Variants in OSBPL3 observed in about 807,000 individuals in gnomAD.
The protein encoded by OSBPL3 is oxysterol binding protein like 3, also known as oxysterol-binding protein-related protein 3.
In OSBPL3, 65 loss-of-function variants were observed where a neutral mutation model predicts 120.1. The observed-to-expected ratio is 0.54, with a 90% CI of 0.44 to 0.67. The LOEUF is 0.67. Among genes scored for constraint, OSBPL3 ranks in the 30% least tolerant of loss-of-function variants. The pLI, the probability that OSBPL3 is intolerant of heterozygous loss-of-function variation, is 0.00. For missense variants in OSBPL3, 1,004 were observed against 1,082.1 expected, an observed-to-expected ratio of 0.93 and a Z score of 1.01; for synonymous variants, 416 against 402.6, an observed-to-expected ratio of 1.03 and a Z score of -0.40.
At position 24,799,397 on chromosome 7, in the gene OSBPL3, A is replaced by T. The variant is rs2128084949; in HGVS notation, c.*786T>A. 6.6e-6 allele frequency: 1 copy of T among 152,274 alleles called. No individual in the cohort carries two copies. Among genetic ancestry groups the T allele is most frequent in the Non-Finnish European group, 1.5e-5 (1 of 68,022 alleles). 9.4% of individuals were successfully genotyped at this position (152,274 alleles called of 1,614,324 possible). A position where few individuals can be genotyped will look rare whatever the true frequency, so the allele number is the denominator to read the frequency against. On this transcript the variant is annotated 3_prime_UTR_variant, in exon 23 of 23. Coordinates refer to ENST00000313367, the MANE Select transcript of OSBPL3 (RefSeq NM_015550.4). The surrounding 1 kb of genome is among the most constrained non-coding windows in gnomAD (Gnocchi z 5.3). ...GAAACAGTCTCTTAACTTCTCAAGG[A>T]CTCAGCTCTCACTAAGGAGAAATTT...
chr7:24,845,275 C>A (rs764387654), intron 12 of OSBPL3, among the ~76,000 whole-genome samples: 19 of 144,884 alleles, frequency 1.3e-4, no homozygotes, highest in African/African-American at 3.8e-4. Context: ...TTTTAAAAAA[C>A]AAGCTTGTAG....
intron 5 of OSBPL3, among the ~76,000 whole-genome samples, chr7:24,866,812 A>G (rs1257832059): frequency 6.6e-6 from 1 of 152,132 alleles, no homozygotes; most frequent in East Asian, 1.9e-4. Flanking sequence ...ACTGTTATTT[A>G]TTTATTTGAG....
At chr7:24,905,260 A>C (rs1272296045) in intron 1 of OSBPL3, among the ~76,000 whole-genome samples, 1 of 152,094 alleles carries the variant, frequency 6.6e-6, no homozygotes, top group East Asian at 1.9e-4. Flanking sequence ...GAAAGAATAA[A>C]ATAACCACAG....
chr7:24,823,133 C>G (rs1239267670), intron 16 of OSBPL3, among the ~76,000 whole-genome samples: 1 of 152,120 alleles, frequency 6.6e-6, no homozygotes, highest in Non-Finnish European at 1.5e-5. Context: ...TGGACCTGGG[C>G]CCTGACTGCA....
At chr7:24,924,747 A>G (rs1377609225) in intron 1 of OSBPL3, among the ~76,000 whole-genome samples, 1 of 152,180 alleles carries the variant, frequency 6.6e-6, no homozygotes, top group Non-Finnish European at 1.5e-5. Flanking sequence ...GGCCTGTATG[A>G]GCAGCTCACT....
rs185212748 is a variant in OSBPL3, at chr7:24,839,780, G to A, written c.1495+910C>T. On this transcript the variant is annotated intron_variant, in intron 14 of 22. Transcript: ENST00000313367. Reference sequence around the variant, plus strand: ...GAGGCAGGTAGATCACTTGACGTCAGGAGTTCAAGACCAGCCTGGGTAATA... The same window carrying A: ...GAGGCAGGTAGATCACTTGACGTCAAGAGTTCAAGACCAGCCTGGGTAATA... Among the ~76,000 whole-genome samples, 379 of 152,084 alleles carry A rather than the reference G, an allele frequency of 2.5e-3. 2 individuals carry two copies. Among genetic ancestry groups the A allele is most frequent in the African/African-American group, 8.7e-3 (359 of 41,486 alleles).
Position 24,831,971 on chromosome 7 carries a change from G to A in OSBPL3, c.1747-1066C>T, listed in dbSNP as rs1228518851. Among the ~76,000 whole-genome samples the A allele has an allele frequency of 6.6e-6, 1 of 152,096 alleles. No individual in the cohort carries two copies. The highest frequency in any genetic ancestry group is 1.5e-5 in the Non-Finnish European group (1 of 68,020). On this transcript the variant is annotated intron_variant, in intron 15 of 22. Transcript: ENST00000313367. This position sits in a 1 kb window ranked among gnomAD's most constrained non-coding sequence, Gnocchi z 4.0. ...AATCCCAGCACTTTGGGAGACCGAG[G>A]CAGGTGGATCTGCTTGAGCCCAAGA...
intron 1 of OSBPL3, among the ~76,000 whole-genome samples, chr7:24,969,111 T>G (rs533838296): frequency 6.6e-6 from 1 of 152,376 alleles, no homozygotes; most frequent in South Asian, 2.1e-4. Context: ...TACATTTCCA[T>G]CCACGATGTA....
chr7:24,831,954 C>T lies in OSBPL3; in HGVS notation c.1747-1049G>A, dbSNP rs1796418972. On this transcript the variant is annotated intron_variant, in intron 15 of 22. Coordinates refer to ENST00000313367, the MANE Select transcript of OSBPL3 (RefSeq NM_015550.4). The surrounding 1 kb of genome is among the most constrained non-coding windows in gnomAD (Gnocchi z 4.0). ...CAGTGGCTCACGCCTGTAATCCCAG[C>T]ACTTTGGGAGACCGAGGCAGGTGGA... Among the ~76,000 whole-genome samples the T allele has an allele frequency of 6.6e-6, 1 of 152,162 alleles. No homozygotes were observed. The highest frequency in any genetic ancestry group is 6.5e-5 in the Admixed American group (1 of 15,278).
At position 24,947,346 on chromosome 7, in the gene OSBPL3, G is replaced by A. The variant is rs1429167438; in HGVS notation, c.-150+32540C>T. Reference sequence around the variant, plus strand: ...ACAGCTAGGAAATTCTCTGAATAAAGCTCTTCCAGGTAGAGTTCAATGGCT... The same window carrying A: ...ACAGCTAGGAAATTCTCTGAATAAAACTCTTCCAGGTAGAGTTCAATGGCT... On this transcript the variant is annotated intron_variant, in intron 1 of 22. Coordinates refer to ENST00000313367, the MANE Select transcript of OSBPL3 (RefSeq NM_015550.4). This position sits in a 1 kb window ranked among gnomAD's most constrained non-coding sequence, Gnocchi z 4.4. Among the ~76,000 whole-genome samples, 1 of 152,124 alleles carries A rather than the reference G, an allele frequency of 6.6e-6. No individual in the cohort carries two copies.
rs573498428 is a variant in OSBPL3, at chr7:24,968,524, G to A, written c.-150+11362C>T. Among the ~76,000 whole-genome samples the A allele has an allele frequency of 1.8e-4, 27 of 152,262 alleles. No individual in the cohort carries two copies. The South Asian group carries it at 5.2e-3, about 29-fold the overall frequency. On this transcript the variant is annotated intron_variant, in intron 1 of 22. Coordinates refer to ENST00000313367, the MANE Select transcript of OSBPL3 (RefSeq NM_015550.4). The surrounding 1 kb of genome is among the most constrained non-coding windows in gnomAD (Gnocchi z 4.6). ...CGATTCTCCTGCCTCCACCTCCTGC[G>A]TAGCCGGGATTACAGGCACACACCA...
At chr7:24,836,929 G>A (rs186041009) in intron 14 of OSBPL3, among the ~76,000 whole-genome samples, 13 of 152,130 alleles carry the variant, frequency 8.5e-5, no homozygotes, top group East Asian at 1.9e-4. Flanking sequence ...CTGCCTCACC[G>A]GCTCAAGCAA....
chr7:24,909,392 T>C (rs113838432), intron 1 of OSBPL3, among the ~76,000 whole-genome samples: 2 of 152,322 alleles, frequency 1.3e-5, no homozygotes, highest in African/African-American at 4.8e-5. Flanking sequence ...ACATGTTCCC[T>C]GCCCTTTCCC....
intron 2 of OSBPL3, among the ~76,000 whole-genome samples, chr7:24,890,691 T>C (rs567643288): frequency 2.0e-5 from 3 of 152,288 alleles, no homozygotes; most frequent in Admixed American, 2.0e-4. Flanking sequence ...TATAAGTGTC[T>C]CCATTTATAA....
chr7:24,837,035 A>G (rs540230416), intron 14 of OSBPL3, among the ~76,000 whole-genome samples: 6 of 152,110 alleles, frequency 3.9e-5, no homozygotes, highest in Admixed American at 1.3e-4. Flanking sequence ...AGATTTTACT[A>G]TGTTGCCAAG....
chr7:24,820,632 A>G lies in OSBPL3; in HGVS notation c.1885-394T>C, dbSNP rs1795010881. On this transcript the variant is annotated intron_variant, in intron 16 of 22. Transcript: ENST00000313367. The surrounding 1 kb of genome is among the most constrained non-coding windows in gnomAD (Gnocchi z 4.6). The stretch of plus-strand genomic sequence containing the variant: ...AACATCTCTTATTAGCTGTTCTGAA[A>G]GTAGCTGCAGATGTTTTAATTAAGA... Among the ~76,000 whole-genome samples, 4 of 152,250 alleles carry G rather than the reference A, an allele frequency of 2.6e-5. No homozygotes were observed. The highest frequency in any genetic ancestry group is 2.6e-4 in the Admixed American group (4 of 15,284).
At position 24,861,689 on chromosome 7, in the gene OSBPL3, T is replaced by C. The variant is rs1401600230; in HGVS notation, c.951A>G (p.Lys317=). Residue 317 remains lysine (K), a synonymous_variant, in exon 10 of 23, where the codon AAA becomes AAG. Transcript: ENST00000313367. ...AGGTTTCAGAGCCATCAGAATAATTTTTCTCTTCTCCAAAATCTAGTGTTG... is the reference window on the plus strand; with the variant it reads ...AGGTTTCAGAGCCATCAGAATAATTCTTCTCTTCTCCAAAATCTAGTGTTG... The part of the protein sequence containing the change: ...NLSTLDFGEE[K]NYSDGSETSS... 1 of 1,611,956 alleles carries C rather than the reference T, an allele frequency of 6.2e-7. No homozygotes were observed. Among genetic ancestry groups the C allele is most frequent in the Non-Finnish European group, 8.5e-7 (1 of 1,178,380 alleles).
intron 5 of OSBPL3, among the ~76,000 whole-genome samples, chr7:24,866,876 A>T (rs1365511730): frequency 6.6e-6 from 1 of 152,204 alleles, no homozygotes; most frequent in African/African-American, 2.4e-5. Context: ...ACCTTGGCTC[A>T]CTGCAACCTC....
chr7:24,857,044 C>G (rs1208067687), intron 10 of OSBPL3, among the ~76,000 whole-genome samples: 2 of 152,154 alleles, frequency 1.3e-5, no homozygotes, highest in African/African-American at 4.8e-5. Context: ...AGTCATATAT[C>G]TCTTTTAGCT....
Sources: gnomAD v4.1 joint callset for allele counts (sites outside exome capture counted in the v4.1 genomes callset) on GRCh38, gnomAD v4.1.1 for gene constraint, Gnocchi (gnomAD v3.1) non-coding constraint, MANE v1.5 for transcripts, NCBI Gene and HGNC (gene_info 2026-07-23, HGNC 2026-07-21) for gene names.